Variants in RORB observed in about 807,000 individuals in gnomAD.
The protein encoded by RORB is nuclear receptor ROR-beta.
RORB carries 6 observed loss-of-function variants against 59.1 expected under a neutral mutation model. That is an observed-to-expected ratio of 0.10 (90% CI 0.06 to 0.20). RORB has a LOEUF of 0.20. Among genes scored for constraint, RORB ranks in the 10% least tolerant of loss-of-function variants. The probability of loss-of-function intolerance (pLI) is 1.00; values close to 1 mark genes in which losing one functional copy is unlikely to be tolerated. For synonymous variants in RORB, 215 were observed against 204.5 expected, an observed-to-expected ratio of 1.05 and a Z score of -0.44; for missense variants, 320 against 560.5, an observed-to-expected ratio of 0.57 and a Z score of 4.33.
chr9:74,620,775 C>A (rs182444142), intron 1 of RORB, among the ~76,000 whole-genome samples: 2 of 152,252 alleles, frequency 1.3e-5, no homozygotes. Flanking sequence ...CAAAGAACAT[C>A]TTTATTTCTG....
chr9:74,636,884 C>T (rs1823712580), intron 3 of RORB, among the ~76,000 whole-genome samples: 1 of 152,044 alleles, frequency 6.6e-6, no homozygotes, highest in South Asian at 2.1e-4. Context: ...TTGGTCTGAA[C>T]CTTGATTAGA....
chr9:74,548,301 T>C (rs1008050201), intron 1 of RORB, among the ~76,000 whole-genome samples: 1 of 152,202 alleles, frequency 6.6e-6, no homozygotes, highest in Admixed American at 6.5e-5. Flanking sequence ...GGCATTGGCT[T>C]TATTGAGATT....
At chr9:74,581,806 G>A (rs745947435) in intron 1 of RORB, among the ~76,000 whole-genome samples, 2 of 152,116 alleles carry the variant, frequency 1.3e-5, no homozygotes, top group African/African-American at 2.4e-5. Context: ...AGAACACAGG[G>A]CATTCCTCTG....
At position 74,642,733 on chromosome 9, in the gene RORB, C is replaced by A. The variant is rs1322603276; in HGVS notation, c.555C>A (p.Asp185Glu). The part of the protein sequence containing the change: ...IKQIKQEPIY[D>E]LTSVPNLFTY... ...AGATAAAGCAAGAACCTATCTATGA[C>A]CTCACATCCGTACCCAACTTGTTTA... is the stretch of plus-strand genomic sequence containing the variant. The change falls in exon 4 of 10, where the codon GAC becomes GAA. Residue 185 changes from aspartate (D) to glutamate (E), a missense_variant. Coordinates refer to ENST00000376896, the MANE Select transcript of RORB (RefSeq NM_006914.4). 6.2e-7 allele frequency: 1 copy of A among 1,614,084 alleles called. No homozygotes were observed. The highest frequency in any genetic ancestry group is 1.7e-5 in the Admixed American group (1 of 60,008).
At chr9:74,665,675 T>C (rs1212593795) in intron 7 of RORB, 80 bp downstream of exon 7, 1 of 893,102 alleles carries the variant, frequency 1.1e-6, no homozygotes, top group African/African-American at 1.6e-5. Flanking sequence ...GTAAATGAAA[T>C]GCCTTGATTC....
intron 1 of RORB, among the ~76,000 whole-genome samples, chr9:74,505,742 G>T (rs1021037169): frequency 2.6e-5 from 4 of 152,026 alleles, no homozygotes; most frequent in African/African-American, 9.7e-5. Context: ...CTCCTCAGTT[G>T]CCTTATATAG....
intron 1 of RORB, among the ~76,000 whole-genome samples, chr9:74,531,934 C>T (rs1202888444): frequency 6.6e-6 from 1 of 151,864 alleles, no homozygotes; most frequent in Non-Finnish European, 1.5e-5. Context: ...TTTAAAGTTA[C>T]ATCTTGAAAA....
chr9:74,604,171 G>A (rs1422680803), intron 1 of RORB, among the ~76,000 whole-genome samples: 1 of 152,134 alleles, frequency 6.6e-6, no homozygotes, highest in Non-Finnish European at 1.5e-5. Flanking sequence ...TGCTGATGAG[G>A]TCTTAATTCA....
chr9:74,561,097 C>T (rs1822390218), intron 1 of RORB, among the ~76,000 whole-genome samples: 1 of 152,142 alleles, frequency 6.6e-6, no homozygotes. Context: ...CCACACTCTT[C>T]TACATACTCC....
chr9:74,640,696 A>G (rs1390844065), intron 3 of RORB, among the ~76,000 whole-genome samples: 2 of 152,118 alleles, frequency 1.3e-5, no homozygotes, highest in Non-Finnish European at 2.9e-5. Context: ...ACATGCCCCA[A>G]TACCCCCAAG....
At chr9:74,568,699 CAAAAAAAA>C (rs34771605) in intron 1 of RORB, among the ~76,000 whole-genome samples, 1 of 107,368 alleles carries the variant, frequency 9.3e-6, no homozygotes, top group Admixed American at 9.8e-5. Context: ...GACTCCATCT[CAAAAAAAA>C]AAAAAAAGAA....
chr9:74,649,325 T>C (rs572950363), intron 4 of RORB, among the ~76,000 whole-genome samples: 1 of 152,316 alleles, frequency 6.6e-6, no homozygotes, highest in Non-Finnish European at 1.5e-5. Flanking sequence ...TACTTGACTC[T>C]TCTGAAATTT....
At chr9:74,567,074 C>CT (rs1822480360) in intron 1 of RORB, among the ~76,000 whole-genome samples, 1 of 151,802 alleles carries the variant, frequency 6.6e-6, no homozygotes, top group Non-Finnish European at 1.5e-5. Flanking sequence ...GTCGCCCAGG[C>CT]TGGAGTGCAA....
At chr9:74,577,476 T>C (rs560061117) in intron 1 of RORB, among the ~76,000 whole-genome samples, 7 of 152,126 alleles carry the variant, frequency 4.6e-5, no homozygotes, top group East Asian at 1.9e-4. Flanking sequence ...ACTCTTCAAA[T>C]GGAAAGTACC....
chr9:74,683,968 A>G (rs1824592162), intron 9 of RORB, among the ~76,000 whole-genome samples: 1 of 152,214 alleles, frequency 6.6e-6, no homozygotes, highest in Non-Finnish European at 1.5e-5. Flanking sequence ...TTGGAGGTAA[A>G]GTTTTGATTC....
chr9:74,498,350 G>A (rs767288431), intron 1 of RORB: 7 of 223,274 alleles, frequency 3.1e-5, no homozygotes, highest in Middle Eastern at 2.9e-3. Context: ...GAGCAGTTTG[G>A]AAGCGCCCGG....
chr9:74,640,163 T>C (rs990940101), intron 3 of RORB, among the ~76,000 whole-genome samples: 1 of 152,202 alleles, frequency 6.6e-6, no homozygotes, highest in Admixed American at 6.5e-5. Context: ...AATTACTAGA[T>C]AATTATCACT....
At chr9:74,625,146 T>C (rs1225178639) in intron 1 of RORB, among the ~76,000 whole-genome samples, 1 of 152,248 alleles carries the variant, frequency 6.6e-6, no homozygotes, top group East Asian at 1.9e-4. Flanking sequence ...AGATCTGGCC[T>C]GTCCCTGGGT....
chr9:74,622,162 T>C (rs62569145), intron 1 of RORB, among the ~76,000 whole-genome samples: 47,331 of 152,098 alleles, frequency 0.31, 7,540 homozygotes, highest in Non-Finnish European at 0.35. Flanking sequence ...GCCCCATCCC[T>C]GTCCTTCAGT....
Sources: gnomAD v4.1 joint callset for allele counts (sites outside exome capture counted in the v4.1 genomes callset) on GRCh38, gnomAD v4.1.1 for gene constraint, MANE v1.5 for transcripts, NCBI Gene and HGNC (gene_info 2026-07-23, HGNC 2026-07-21) for gene names.